C13orf46: variants seen among roughly 807,000 people sequenced by gnomAD.
The protein encoded by C13orf46 is uncharacterized protein C13orf46.
At chr13:113,930,076 T>C in the C13orf46 span, among the ~76,000 whole-genome samples, 7 of 152,228 alleles carry the variant, frequency 4.6e-5, no homozygotes, top group African/African-American at 1.7e-4. Flanking sequence ...GCAGATTTGA[T>C]GCCCGGCAGC....
the C13orf46 span, among the ~76,000 whole-genome samples, chr13:113,931,466 T>C: frequency 6.6e-6 from 1 of 152,110 alleles, no homozygotes; most frequent in Non-Finnish European, 1.5e-5. Context: ...AGACGCCAAG[T>C]GGAAGGGAGT....
At chr13:113,934,906 T>C in the C13orf46 span, among the ~76,000 whole-genome samples, 1 of 152,200 alleles carries the variant, frequency 6.6e-6, no homozygotes, top group African/African-American at 2.4e-5. Context: ...CTAAACGGGC[T>C]CTGGGAAGGG....
At chr13:113,958,678 C>T (rs2052562585) in intron 6 of C13orf46, among the ~76,000 whole-genome samples, 1 of 152,254 alleles carries the variant, frequency 6.6e-6, no homozygotes, top group African/African-American at 2.4e-5. Context: ...AGTGCACAGT[C>T]CTCACTAAGA....
chr13:113,948,989 G>A (rs1322575999), downstream of C13orf46, among the ~76,000 whole-genome samples: 3 of 152,204 alleles, frequency 2.0e-5, no homozygotes, highest in Non-Finnish European at 4.4e-5. Context: ...GGAGCTTGTT[G>A]CCAGAGGAAC....
chr13:113,949,752 C>T (rs1435158026), downstream of C13orf46, among the ~76,000 whole-genome samples: 1 of 152,164 alleles, frequency 6.6e-6, no homozygotes, highest in Non-Finnish European at 1.5e-5. Context: ...TCGGTGCTCC[C>T]ATCTGTGGAG....
At chr13:113,930,723 T>C in the C13orf46 span, among the ~76,000 whole-genome samples, 30 of 152,166 alleles carry the variant, frequency 2.0e-4, no homozygotes, top group African/African-American at 7.2e-4. Context: ...GAAGCCTTGG[T>C]TTCCCCACCT....
the C13orf46 span, among the ~76,000 whole-genome samples, chr13:113,933,971 G>A: frequency 2.6e-5 from 4 of 152,092 alleles, no homozygotes; most frequent in Non-Finnish European, 4.4e-5. Context: ...GAGATTCTGC[G>A]ATGTGTGGCC....
chr13:113,943,598 G>A, the C13orf46 span, among the ~76,000 whole-genome samples: 1 of 152,170 alleles, frequency 6.6e-6, no homozygotes, highest in Non-Finnish European at 1.5e-5. Flanking sequence ...TGGAAAGGTA[G>A]AACGAGGCAT....
At chr13:113,972,638 C>T (rs1318833329) in intron 1 of C13orf46, among the ~76,000 whole-genome samples, 4 of 152,200 alleles carry the variant, frequency 2.6e-5, no homozygotes, top group African/African-American at 9.6e-5. Flanking sequence ...CTGGAAACAT[C>T]TCAGAGTGGC....
At chr13:113,962,955 T>C (rs2052598922) in intron 6 of C13orf46, among the ~76,000 whole-genome samples, 1 of 152,218 alleles carries the variant, frequency 6.6e-6, no homozygotes, top group Non-Finnish European at 1.5e-5. Flanking sequence ...GCAGAGACTC[T>C]GCTGAGTTGG....
chr13:113,963,747 C>T (rs2052611969), intron 6 of C13orf46, among the ~76,000 whole-genome samples: 1 of 152,246 alleles, frequency 6.6e-6, no homozygotes, highest in South Asian at 2.1e-4. Flanking sequence ...CTCCCATGTG[C>T]TTTTAAGAGG....
At chr13:113,952,769 G>A (rs2052494339), downstream of C13orf46, among the ~76,000 whole-genome samples, 3 of 152,226 alleles carry the variant, frequency 2.0e-5, no homozygotes, top group African/African-American at 7.2e-5. Flanking sequence ...TGCATCTACA[G>A]GGGGTTCCTG....
At chr13:113,957,705 T>C (rs1206675644) in intron 6 of C13orf46, among the ~76,000 whole-genome samples, 3 of 135,804 alleles carry the variant, frequency 2.2e-5, no homozygotes, top group Non-Finnish European at 4.7e-5. Flanking sequence ...GTACCCCCTT[T>C]CATCAAGCAC....
At chr13:113,930,383 GGCGCAGGAGC>G in the C13orf46 span, among the ~76,000 whole-genome samples, 2 of 103,866 alleles carry the variant, frequency 1.9e-5, no homozygotes, top group Non-Finnish European at 2.1e-5. Context: ...CCGAGGCGGG[GGCGCAGGAGC>G]ACCGAGGCGG....
At chr13:113,973,641 T>G (rs1020638541) in intron 1 of C13orf46, among the ~76,000 whole-genome samples, 167 bp downstream of exon 1, 1 of 152,208 alleles carries the variant, frequency 6.6e-6, no homozygotes, top group Non-Finnish European at 1.5e-5. Flanking sequence ...TGCCCCGCCT[T>G]GGACACACGT....
chr13:113,963,646 C>T (rs1356114315), intron 6 of C13orf46, among the ~76,000 whole-genome samples: 2 of 146,526 alleles, frequency 1.4e-5, no homozygotes, highest in African/African-American at 5.0e-5. Context: ...TCCTCAGCCT[C>T]GCCCGTCCTC....
intron 6 of C13orf46, among the ~76,000 whole-genome samples, chr13:113,963,317 T>C (rs1469341020): frequency 1.1e-5 from 1 of 88,030 alleles, no homozygotes; most frequent in African/African-American, 3.7e-5. Context: ...GTCCTCAGCC[T>C]CGGTCCCTGT....
At chr13:113,970,798 T>C (rs28600117) in intron 1 of C13orf46, among the ~76,000 whole-genome samples, 1,566 of 152,214 alleles carry the variant, frequency 0.01, 31 homozygotes, top group African/African-American at 0.036. Flanking sequence ...CTCGTGAGGA[T>C]CTTTACCTTG....
chr13:113,966,815 G>A (rs898999224), intron 5 of C13orf46, among the ~76,000 whole-genome samples: 3 of 151,234 alleles, frequency 2.0e-5, no homozygotes, highest in Non-Finnish European at 4.4e-5. Flanking sequence ...GATACCCCAT[G>A]ATGATGATGA....
Sources: allele counts gnomAD v4.1 joint callset (sites outside exome capture counted in the v4.1 genomes callset), GRCh38; gene constraint gnomAD v4.1.1; transcripts MANE v1.5; gene names NCBI Gene and HGNC (gene_info 2026-07-23, HGNC 2026-07-21).